Variants in RAVER1 observed in about 807,000 individuals in gnomAD.
RAVER1 encodes ribonucleoprotein, PTB binding 1, also known as ribonucleoprotein PTB-binding 1.
A neutral mutation model predicts 68.4 loss-of-function variants in RAVER1; 36 were observed. The observed-to-expected ratio is 0.53, with a 90% confidence interval of 0.40 to 0.70. The LOEUF (loss-of-function observed/expected upper bound fraction) is 0.70. Among genes scored for constraint, RAVER1 ranks in the 30% least tolerant of loss-of-function variants. The pLI, the probability that RAVER1 is intolerant of heterozygous loss-of-function variation, is 0.00. For synonymous variants in RAVER1, 469 were observed against 472.7 expected (o/e 0.99, Z 0.10); for missense variants, 933 against 1,019.8 (o/e 0.91, Z 1.16).
chr19:10,321,123 G>T lies in RAVER1; in HGVS notation c.1398C>A (p.Pro466=), dbSNP rs281425. The change falls in exon 8 of 13, where the codon CCC becomes CCA. Residue 466 remains proline, a synonymous_variant. Transcript: ENST00000617231. ...GPPAAQLTPP[P]APVGLRGSGL... ...CAGAGCCTCGGAGCCCCACAGGGGC[G>T]GGGGGAGGAGTGAGCTGGGCCGCTG... 297,641 of 1,305,428 alleles carry T rather than the reference G, an allele frequency of 0.23. 35,174 individuals carry two copies. Among genetic ancestry groups the T allele is most frequent in the African/African-American group, 0.29 (18,500 of 64,750 alleles). 80.9% of individuals were successfully genotyped at this position (1,305,428 alleles called of 1,614,324 possible).
intron 1 of RAVER1, among the ~76,000 whole-genome samples, chr19:10,331,581 G>A (rs1180629688): frequency 6.8e-6 from 1 of 147,500 alleles, no homozygotes; most frequent in African/African-American, 2.5e-5. Context: ...AGCTACTCGG[G>A]AGACTGAGGC....
In RAVER1 at chr19:10,329,720, C is replaced by T. The variant is rs942672565; in HGVS notation, c.287-609G>A. 3.3e-5 allele frequency among the ~76,000 whole-genome samples: 5 copies of T among 152,128 alleles called. No individual in the cohort carries two copies. Among genetic ancestry groups the T allele is most frequent in the Admixed American group, 1.3e-4 (2 of 15,260 alleles). ...CCAGATTTGCGATCCACCCAGCGGC[C>T]GCAGGAAGCTTTGTTCAAAACGATC... On this transcript the variant is annotated intron_variant, in intron 2 of 12. Transcript: ENST00000617231. This position sits in a 1 kb window ranked among gnomAD's most constrained non-coding sequence, Gnocchi z 4.6.
intron 11 of RAVER1, 95 bp downstream of exon 11, chr19:10,318,134 G>A: frequency 9.0e-7 from 1 of 1,114,764 alleles, no homozygotes; most frequent in Non-Finnish European, 1.3e-6. Flanking sequence ...CCCCAGCTTT[G>A]GCCTGGGCAC....
chr19:10,330,405 C>T, intron 2 of RAVER1, 55 bp downstream of exon 2: 2 of 829,268 alleles, frequency 2.4e-6, no homozygotes, highest in Non-Finnish European at 4.1e-6. Context: ...GCCAGGCCCT[C>T]CCATCTTCAG....
Position 10,321,474 on chromosome 19 carries a change from A to C in RAVER1, c.1261+57T>G. 25 of 1,300,162 alleles carry C rather than the reference A, an allele frequency of 1.9e-5. No individual in the cohort carries two copies. In the South Asian group the frequency reaches 4.7e-4, roughly 24 times the overall value. The allele number at this position is 1,300,162 out of a possible 1,614,324, so 80.5% of individuals were successfully genotyped here. On this transcript the variant is annotated intron_variant, in intron 7 of 12. Coordinates refer to ENST00000617231, the MANE Select transcript of RAVER1 (RefSeq NM_133452.3). ...TTGGGTCACTCACCCGAGGCCACGT[A>C]GCAGGGAAGGAAGGGGAAGTGGCTG...
Position 10,328,768 on chromosome 19 carries a change from G to T in RAVER1, c.630C>A (p.Ala210=), listed in dbSNP as rs752714299. The T allele has an allele frequency of 2.5e-6, 4 of 1,612,982 alleles. No individual in the cohort carries two copies. In the East Asian group the frequency reaches 8.9e-5, roughly 36 times the overall value. ...PRTLYVHWTD[A]GQLTPALLHS... ...GGAGAAGGGCAGGCGTCAGTTGCCC[G>T]GCATCCGTCCAGTGCACGTAGAGGG... Residue 210 remains alanine, a synonymous_variant, in exon 3 of 13, where the codon GCC becomes GCA. Transcript: ENST00000617231. The surrounding 1 kb of genome is among the most constrained non-coding windows in gnomAD (Gnocchi z 4.4).
chr19:10,322,998 AG>A lies in RAVER1; in HGVS notation c.1078+146del. 1.4e-6 allele frequency: 1 copy of A among 708,080 alleles called. No individual in the cohort carries two copies. Among genetic ancestry groups the A allele is most frequent in the Non-Finnish European group, 2.3e-6 (1 of 440,946 alleles). 43.9% of individuals were successfully genotyped at this position (708,080 alleles called of 1,614,324 possible). A position where few individuals can be genotyped will look rare whatever the true frequency, so the allele number is the denominator to read the frequency against. Reference sequence around the variant, plus strand: ...CCGGCCCCCAGTTGTGGACAGCAGCAGCCCCCGCTATGACTCCATACTCCCC... The same window carrying A: ...CCGGCCCCCAGTTGTGGACAGCAGCACCCCCGCTATGACTCCATACTCCCC... On this transcript the variant is annotated intron_variant, in intron 5 of 12. Transcript: ENST00000617231. The surrounding 1 kb of genome is among the most constrained non-coding windows in gnomAD (Gnocchi z 4.3).
chr19:10,321,468 C>A, intron 7 of RAVER1, 63 bp downstream of exon 7: 1 of 1,287,730 alleles, frequency 7.8e-7, no homozygotes, highest in South Asian at 3.0e-5. Context: ...TCACCCGAGG[C>A]CACGTAGCAG....
rs2040499762 is a variant in RAVER1, at chr19:10,329,644, G to A, written c.287-533C>T. On this transcript the variant is annotated intron_variant, in intron 2 of 12. Transcript: ENST00000617231. This position sits in a 1 kb window ranked among gnomAD's most constrained non-coding sequence, Gnocchi z 4.6. The stretch of plus-strand genomic sequence containing the variant: ...CCCACTCTACACACTGCCCACCCCT[G>A]CCACCTTTCCAGGCCACCAGTGCCC... Among the ~76,000 whole-genome samples the A allele has an allele frequency of 6.6e-6, 1 of 152,100 alleles. No individual in the cohort carries two copies. Among genetic ancestry groups the A allele is most frequent in the Non-Finnish European group, 1.5e-5 (1 of 68,018 alleles).
chr19:10,321,007 C>G (rs763706471), intron 8 of RAVER1, 41 bp downstream of exon 8: 2 of 1,477,382 alleles, frequency 1.4e-6, no homozygotes, highest in Admixed American at 2.6e-5. Context: ...CCCTGCGGAA[C>G]AGGAGGCTGG....
chr19:10,325,982 G>T (rs974677574), intron 3 of RAVER1, among the ~76,000 whole-genome samples: 1 of 152,070 alleles, frequency 6.6e-6, no homozygotes, highest in African/African-American at 2.4e-5. Flanking sequence ...CCAGGCCAGC[G>T]CAGTGGCTCA....
intron 6 of RAVER1, 187 bp from the exon 7 acceptor site, chr19:10,321,805 C>T (rs935053671): frequency 1.7e-5 from 7 of 404,518 alleles, no homozygotes; most frequent in East Asian, 3.7e-5. Context: ...CCATGGTGAC[C>T]GAGGGTCTCC....
chr19:10,321,002 C>T (rs778246449), intron 8 of RAVER1, 46 bp downstream of exon 8: 77 of 1,478,062 alleles, frequency 5.2e-5, no homozygotes, highest in Non-Finnish European at 6.8e-5. Context: ...GGGAACCCTG[C>T]GGAACAGGAG....
chr19:10,327,914 T>C (rs1188148399), intron 3 of RAVER1, among the ~76,000 whole-genome samples: 1 of 152,186 alleles, frequency 6.6e-6, no homozygotes, highest in African/African-American at 2.4e-5. Context: ...CAGAAGTGCC[T>C]GGCATGTGTG....
At chr19:10,326,776 T>C (rs2040478394) in intron 3 of RAVER1, among the ~76,000 whole-genome samples, 1 of 136,708 alleles carries the variant, frequency 7.3e-6, no homozygotes, top group Non-Finnish European at 1.6e-5. Flanking sequence ...TTTTTTTTTT[T>C]CTGTTTTTGA....
In RAVER1 at chr19:10,321,151, G is replaced by A; in HGVS notation, c.1370C>T (p.Pro457Leu). 7.8e-7 allele frequency: 1 copy of A among 1,286,552 alleles called. No homozygotes were observed. The highest frequency in any genetic ancestry group is 9.9e-7 in the Non-Finnish European group (1 of 1,014,666). The allele number at this position is 1,286,552 out of a possible 1,614,324, so 79.7% of individuals were successfully genotyped here. A position where few individuals can be genotyped will look rare whatever the true frequency, so the allele number is the denominator to read the frequency against. ...GGDREALGLG[P>L]PAAQLTPPPA... is the part of the protein sequence containing the mutation. ...GGGAGGAGTGAGCTGGGCCGCTGGGGGACCCAAGCCCAGGGCCTCCCGGTC... is the reference window on the plus strand; with the variant it reads ...GGGAGGAGTGAGCTGGGCCGCTGGGAGACCCAAGCCCAGGGCCTCCCGGTC... The change falls in exon 8 of 13, where the codon CCC (proline) becomes CTC (leucine). Residue 457 changes from proline (P) to leucine (L), a missense_variant. Physicochemically the swap from Pro to Leu is moderately conservative, Grantham distance 98. Transcript: ENST00000617231.
rs564672329 is a variant in RAVER1 at position 10,321,100 on chromosome 19, G to C, written c.1421C>G (p.Ser474Cys). Residue 474 changes from serine (S) to cysteine (C), a missense_variant, in exon 8 of 13, where the codon TCT becomes TGT. Ser to Cys is a moderately radical substitution (Grantham distance 112). Around this residue, in one of 3 missense-constraint regions of RAVER1, gnomAD observed 699 missense variants for 731.1 expected, o/e 0.96. Coordinates refer to ENST00000617231, the MANE Select transcript of RAVER1 (RefSeq NM_133452.3). ...GTCTTTCTGGAGGCCTCTGAGGCCA[G>C]AGCCTCGGAGCCCCACAGGGGCGGG... ...PPPAPVGLRG[S>C]GLRGLQKDSG... is the part of the protein sequence containing the mutation. The C allele has an allele frequency of 2.3e-4, 311 of 1,327,636 alleles. 2 individuals carry two copies. In the South Asian group the frequency reaches 5.8e-3, roughly 25 times the overall value. 82.2% of individuals were successfully genotyped at this position (1,327,636 alleles called of 1,614,324 possible).
rs753829998 is a variant in RAVER1 at position 10,323,288 on chromosome 19, C to A, written c.949-14G>T. ...CCGATTGAGGGCCTGCAGGAAGGAA[C>A]AGAAGCAGCTCAGAGTGCCGCTGGG... On this transcript the variant is annotated splice_polypyrimidine_tract_variant and intron_variant, in intron 4 of 12. Coordinates refer to ENST00000617231, the MANE Select transcript of RAVER1 (RefSeq NM_133452.3). The surrounding 1 kb of genome is among the most constrained non-coding windows in gnomAD (Gnocchi z 6.2). 6.2e-7 allele frequency: 1 copy of A among 1,613,310 alleles called. No individual in the cohort carries two copies. Among genetic ancestry groups the A allele is most frequent in the Non-Finnish European group, 8.5e-7 (1 of 1,179,634 alleles).
At position 10,316,684 on chromosome 19, in the gene RAVER1, G is replaced by A. The variant is rs1000881031; in HGVS notation, c.*770C>T. 3.8e-6 allele frequency: 2 copies of A among 525,670 alleles called. No individual in the cohort carries two copies. Among genetic ancestry groups the A allele is most frequent in the Non-Finnish European group, 2.4e-6 (1 of 409,270 alleles). The allele number at this position is 525,670 out of a possible 1,614,324, so 32.6% of individuals were successfully genotyped here. A position where few individuals can be genotyped will look rare whatever the true frequency, so the allele number is the denominator to read the frequency against. On this transcript the variant is annotated 3_prime_UTR_variant, in exon 13 of 13. Coordinates refer to ENST00000617231, the MANE Select transcript of RAVER1 (RefSeq NM_133452.3). The stretch of plus-strand genomic sequence containing the variant: ...GGCTTTCCCCTTCTACTGTCCCCAG[G>A]GTGGAGATCCTGGGTAGGGTGGCCC...
Sources: allele counts gnomAD v4.1 joint callset (sites outside exome capture counted in the v4.1 genomes callset), GRCh38; gene constraint gnomAD v4.1.1; regional missense constraint gnomAD v4.1.1; non-coding constraint Gnocchi (gnomAD v3.1); transcripts MANE v1.5; gene names NCBI Gene and HGNC (gene_info 2026-07-23, HGNC 2026-07-21).